FGGY: variants seen among roughly 807,000 people sequenced by gnomAD.
FGGY encodes FGGY carbohydrate kinase domain containing.
Under a neutral mutation model 71.3 loss-of-function variants are expected in FGGY, and 72 were observed. The ratio of observed to expected loss-of-function variants is 1.01; its 90% CI spans 0.84 to 1.23. FGGY has a LOEUF of 1.23. Ranked by LOEUF, FGGY falls within the 50% of genes most tolerant of loss-of-function variation. FGGY has a pLI of 0.00. For synonymous variants in FGGY, 251 were observed against 250.3 expected (o/e 1.00, Z -0.02); for missense variants, 668 against 682.3 (o/e 0.98, Z 0.23).
chr1:59,513,421 C>T (rs1434206984), intron 7 of FGGY, among the ~76,000 whole-genome samples: 1 of 152,208 alleles, frequency 6.6e-6, no homozygotes, highest in Non-Finnish European at 1.5e-5. Context: ...TGTGACTTGG[C>T]ACACATGTTC....
At chr1:59,509,125 C>CT (rs1314007578) in intron 6 of FGGY, among the ~76,000 whole-genome samples, 1 of 152,208 alleles carries the variant, frequency 6.6e-6, no homozygotes, top group Admixed American at 6.5e-5. Context: ...CATCTGGCAG[C>CT]TGTCTGCTGA....
intron 6 of FGGY, among the ~76,000 whole-genome samples, chr1:59,464,364 C>A (rs2092466957): frequency 6.6e-6 from 1 of 152,188 alleles, no homozygotes; most frequent in Non-Finnish European, 1.5e-5. Context: ...ACGTTTAAAG[C>A]AGTGTGTAGA....
intron 14 of FGGY, among the ~76,000 whole-genome samples, chr1:59,682,886 A>G (rs1435056854): frequency 6.6e-6 from 1 of 152,198 alleles, no homozygotes; most frequent in African/African-American, 2.4e-5. Flanking sequence ...AATGTAAATC[A>G]ATTATGTCAC....
chr1:59,522,658 T>C lies in FGGY; in HGVS notation c.799+10219T>C, dbSNP rs1306207770. On this transcript the variant is annotated intron_variant, in intron 7 of 15. Coordinates refer to ENST00000303721, the MANE Select transcript of FGGY (RefSeq NM_018291.5). The stretch of plus-strand genomic sequence containing the variant: ...ATCTCAAAGATTAATCTTAATCTTT[T>C]TGTAGTGACTTGCTGTTTTTAAACT... Among the ~76,000 whole-genome samples the C allele has an allele frequency of 2.0e-5, 3 of 152,322 alleles. No homozygotes were observed. The East Asian group carries it at 5.8e-4, about 29-fold the overall frequency.
intron 7 of FGGY, among the ~76,000 whole-genome samples, chr1:59,520,508 T>C (rs2094796575): frequency 6.6e-6 from 1 of 152,190 alleles, no homozygotes; most frequent in African/African-American, 2.4e-5. Context: ...AAAGCACCAA[T>C]CACTCTCTAT....
intron 8 of FGGY, among the ~76,000 whole-genome samples, chr1:59,563,483 G>A (rs1337803893): frequency 2.0e-5 from 3 of 152,048 alleles, no homozygotes; most frequent in Middle Eastern, 3.2e-3. Context: ...CAACTTACAG[G>A]GGATATGAAG....
chr1:59,562,816 T>G (rs1476872745), intron 8 of FGGY, among the ~76,000 whole-genome samples: 1 of 152,218 alleles, frequency 6.6e-6, no homozygotes, highest in Non-Finnish European at 1.5e-5. Flanking sequence ...ATGTTTATCT[T>G]GATTGTGGTA....
intron 6 of FGGY, among the ~76,000 whole-genome samples, chr1:59,492,741 G>C (rs2093906965): frequency 6.6e-6 from 1 of 152,180 alleles, no homozygotes; most frequent in East Asian, 1.9e-4. Context: ...GGTCACACCA[G>C]TGTCAAGTCA....
At chr1:59,601,418 A>G (rs72919615) in intron 8 of FGGY, among the ~76,000 whole-genome samples, 11,361 of 152,282 alleles carry the variant, frequency 0.075, 738 homozygotes, top group African/African-American at 0.18. Flanking sequence ...AGCCAATGGC[A>G]TGCACTCATG....
At chr1:59,647,891 C>A (rs2097112226) in intron 11 of FGGY, among the ~76,000 whole-genome samples, 1 of 98,910 alleles carries the variant, frequency 1.0e-5, no homozygotes, top group Admixed American at 1.1e-4. Context: ...AATGCTATCC[C>A]TCCCCCCTCC....
intron 4 of FGGY, among the ~76,000 whole-genome samples, chr1:59,373,788 G>C (rs1421964006): frequency 6.6e-6 from 1 of 152,134 alleles, no homozygotes; most frequent in Middle Eastern, 3.4e-3. Context: ...ACAAACCTGA[G>C]AAAAACAAGC....
intron 8 of FGGY, among the ~76,000 whole-genome samples, chr1:59,556,770 GAC>G (rs1278804211): frequency 6.6e-6 from 1 of 152,226 alleles, no homozygotes; most frequent in East Asian, 1.9e-4. Flanking sequence ...GCACACAGCA[GAC>G]ACTCAAAAAT....
chr1:59,497,924 C>T (rs1272988419), intron 6 of FGGY, among the ~76,000 whole-genome samples: 2 of 151,970 alleles, frequency 1.3e-5, no homozygotes, highest in Non-Finnish European at 2.9e-5. Flanking sequence ...CTTTTTTGCA[C>T]CTGATTTTTG....
chr1:59,512,463 A>G (rs2094541783), intron 7 of FGGY, 24 bp downstream of exon 7: 1 of 1,608,996 alleles, frequency 6.2e-7, no homozygotes, highest in South Asian at 1.1e-5. Context: ...TGTTGCCTAC[A>G]GCCAAAACCG....
intron 10 of FGGY, among the ~76,000 whole-genome samples, chr1:59,627,782 C>G (rs905969643): frequency 2.0e-5 from 3 of 151,942 alleles, no homozygotes; most frequent in Non-Finnish European, 4.4e-5. Context: ...AAGGAATTGT[C>G]AAGGTACATT....
At chr1:59,625,935 T>C in intron 9 of FGGY, 53 bp from the exon 10 acceptor site, 1 of 1,402,544 alleles carries the variant, frequency 7.1e-7, no homozygotes. Context: ...TTTTTCTATC[T>C]TATACATAAA....
intron 6 of FGGY, among the ~76,000 whole-genome samples, chr1:59,475,200 A>G (rs1170683433): frequency 6.6e-6 from 1 of 152,192 alleles, no homozygotes; most frequent in Non-Finnish European, 1.5e-5. Flanking sequence ...AAGATACAAT[A>G]AGATTAATTA....
At chr1:59,646,552 G>A (rs1359694250) in intron 11 of FGGY, among the ~76,000 whole-genome samples, 1 of 150,026 alleles carries the variant, frequency 6.7e-6, no homozygotes, top group Non-Finnish European at 1.5e-5. Flanking sequence ...TTTAAAATAT[G>A]TATTTTACTG....
intron 10 of FGGY, among the ~76,000 whole-genome samples, chr1:59,630,766 C>T (rs1202091565): frequency 1.3e-5 from 2 of 152,156 alleles, no homozygotes; most frequent in Admixed American, 6.5e-5. Flanking sequence ...ACAACAGTAT[C>T]GGGTGGTTCA....
Sources: gnomAD v4.1 joint callset for allele counts (sites outside exome capture counted in the v4.1 genomes callset) on GRCh38, gnomAD v4.1.1 for gene constraint, MANE v1.5 for transcripts, NCBI Gene and HGNC (gene_info 2026-07-23, HGNC 2026-07-21) for gene names.